Variants in ZDHHC15 observed in about 807,000 individuals in gnomAD.
ZDHHC15 encodes the protein zDHHC palmitoyltransferase 15, also known as palmitoyltransferase ZDHHC15.
A neutral mutation model predicts 31.7 loss-of-function variants in ZDHHC15; 19 were observed. The ratio of observed to expected loss-of-function variants is 0.60; its 90% confidence interval spans 0.42 to 0.88. The LOEUF (loss-of-function observed/expected upper bound fraction) is 0.88. Among genes scored for constraint, ZDHHC15 ranks in the 40% least tolerant of loss-of-function variants. ZDHHC15 has a pLI of 0.00. For missense variants in ZDHHC15, 209 were observed against 251.2 expected, an observed-to-expected ratio of 0.83 and a Z score of 1.14; for synonymous variants, 103 against 90.0, an observed-to-expected ratio of 1.14 and a Z score of -0.82.
At chrX:75,383,338 G>T (rs961440837) in intron 10 of ZDHHC15, among the ~76,000 whole-genome samples, 3 of 112,200 alleles carry the variant, frequency 2.7e-5, no homozygotes, top group African/African-American at 6.5e-5. Flanking sequence ...CAGTTGCAGA[G>T]AATACTGAAA....
chrX:75,437,577 A>G (rs1417356395), intron 4 of ZDHHC15, among the ~76,000 whole-genome samples: 1 of 101,134 alleles, frequency 9.9e-6, no homozygotes, highest in African/African-American at 3.7e-5. Flanking sequence ...GAGAATGATG[A>G]TTTCCAATTT....
rs1365052592 is a variant in ZDHHC15 at position 75,399,762 on chromosome X, G to C, written c.967+17325C>G. Among the ~76,000 whole-genome samples the C allele has an allele frequency of 2.7e-5, 3 of 111,122 alleles. No homozygotes were observed. In the East Asian group the frequency reaches 8.5e-4, roughly 32 times the overall value. On this transcript the variant is annotated intron_variant, in intron 10 of 11. Coordinates refer to ENST00000373367, the MANE Select transcript of ZDHHC15 (RefSeq NM_144969.3). The stretch of plus-strand genomic sequence containing the variant: ...AGAGGAAATATGGCTGCAACTGTGA[G>C]AAAAAATAGGGGAGCTACACAACTG...
chrX:75,380,849 C>G (rs1187933828), intron 10 of ZDHHC15, among the ~76,000 whole-genome samples: 1 of 111,337 alleles, frequency 9.0e-6, no homozygotes, highest in South Asian at 3.8e-4. Context: ...TTATTTTAGT[C>G]TTAGTGTGTG....
At position 75,442,377 on chromosome X, in the gene ZDHHC15, A is replaced by G. The variant is rs191997521; in HGVS notation, c.379+8425T>C. On this transcript the variant is annotated intron_variant, in intron 4 of 11. Coordinates refer to ENST00000373367, the MANE Select transcript of ZDHHC15 (RefSeq NM_144969.3). Reference sequence around the variant, plus strand: ...GAAGTCAAATTGTCCGTGTTTGCAGATGACATGATTGTATATCTAGAAAAC... The same window carrying G: ...GAAGTCAAATTGTCCGTGTTTGCAGGTGACATGATTGTATATCTAGAAAAC... Among the ~76,000 whole-genome samples the G allele has an allele frequency of 9.8e-5, 11 of 111,925 alleles. No homozygotes were observed. In the Admixed American group the frequency reaches 1.0e-3, roughly 11 times the overall value.
At chrX:75,477,950 C>T (rs1382418749) in intron 3 of ZDHHC15, among the ~76,000 whole-genome samples, 1 of 111,028 alleles carries the variant, frequency 9.0e-6, no homozygotes, top group African/African-American at 3.3e-5. Flanking sequence ...TACATTGTTG[C>T]CTTTCTCTGT....
intron 8 of ZDHHC15, among the ~76,000 whole-genome samples, chrX:75,423,575 T>A (rs756138115): frequency 1.2e-4 from 12 of 101,175 alleles, no homozygotes; most frequent in African/African-American, 4.0e-4. Flanking sequence ...ATGTACCACA[T>A]TTTCTTTATC....
At chrX:75,515,306 C>G (rs2085339045) in intron 1 of ZDHHC15, among the ~76,000 whole-genome samples, 1 of 111,028 alleles carries the variant, frequency 9.0e-6, no homozygotes, top group Admixed American at 9.6e-5. Flanking sequence ...GACCAATATC[C>G]CTGATGAACA....
rs145234991 is a variant in ZDHHC15, at chrX:75,479,387, A to C, written c.164-402T>G. On this transcript the variant is annotated intron_variant, in intron 2 of 11. Coordinates refer to ENST00000373367, the MANE Select transcript of ZDHHC15 (RefSeq NM_144969.3). ...TTATTTCATTTTATTTTCTCAATAA[A>C]TTTGTAAGATAGGTAATAAGATAGG... is the stretch of plus-strand genomic sequence containing the variant. Among the ~76,000 whole-genome samples the C allele has an allele frequency of 7.9e-3, 886 of 112,371 alleles. 11 individuals are homozygous for C. Among genetic ancestry groups the C allele is most frequent in the African/African-American group, 0.026 (817 of 31,000 alleles).
chrX:75,424,521 G>T (rs1191435121), intron 8 of ZDHHC15, 131 bp downstream of exon 8: 2 of 654,769 alleles, frequency 3.1e-6, no homozygotes, highest in Non-Finnish European at 4.3e-6. Context: ...ATTTTCATCT[G>T]TCTCAGTCTG....
intron 10 of ZDHHC15, among the ~76,000 whole-genome samples, chrX:75,396,746 C>T (rs1051116513): frequency 9.1e-6 from 1 of 110,357 alleles, no homozygotes; most frequent in Non-Finnish European, 1.9e-5. Flanking sequence ...ACCTAAGTGT[C>T]CATCAGCAGA....
chrX:75,413,169 T>A (rs1292037909), intron 10 of ZDHHC15, among the ~76,000 whole-genome samples: 1 of 112,460 alleles, frequency 8.9e-6, no homozygotes, highest in Non-Finnish European at 1.9e-5. Flanking sequence ...TTGTACATCT[T>A]AAATTTTTAC....
At chrX:75,447,266 G>A (rs924856808) in intron 4 of ZDHHC15, among the ~76,000 whole-genome samples, 8 of 112,106 alleles carry the variant, frequency 7.1e-5, no homozygotes, top group African/African-American at 1.9e-4. Context: ...CAGCGGCAGC[G>A]TTTTGTCCTT....
At chrX:75,438,022 GA>G (rs949902331) in intron 4 of ZDHHC15, among the ~76,000 whole-genome samples, 1 of 111,736 alleles carries the variant, frequency 8.9e-6, no homozygotes, top group African/African-American at 3.3e-5. Flanking sequence ...AAAAACACAT[GA>G]AAAAATGCTC....
At position 75,431,534 on chromosome X, in the gene ZDHHC15, A is replaced by T. The variant is rs1268655911; in HGVS notation, c.380-14T>A. On this transcript the variant is annotated splice_polypyrimidine_tract_variant and intron_variant, in intron 4 of 11. Transcript: ENST00000373367. ...AGAATCGTACAGCTATAAAAAAAAAAATAAGGTGGTTAGCACTTGTTAGGG... is the reference window on the plus strand; with the variant it reads ...AGAATCGTACAGCTATAAAAAAAAATATAAGGTGGTTAGCACTTGTTAGGG... 8.3e-7 allele frequency: 1 copy of T among 1,201,162 alleles called. No individual in the cohort carries two copies. Among genetic ancestry groups the T allele is most frequent in the Non-Finnish European group, 1.1e-6 (1 of 890,508 alleles).
chrX:75,504,353 G>C (rs1011676900), intron 2 of ZDHHC15, among the ~76,000 whole-genome samples: 1 of 111,581 alleles, frequency 9.0e-6, no homozygotes, highest in Non-Finnish European at 1.9e-5. Context: ...ATACTGTATT[G>C]TGTTTTACTT....
intron 1 of ZDHHC15, among the ~76,000 whole-genome samples, chrX:75,521,987 T>C (rs2085448570): frequency 9.0e-6 from 1 of 110,618 alleles, no homozygotes; most frequent in Non-Finnish European, 1.9e-5. Context: ...GTGACTCTAG[T>C]GGGAGAAGGC....
At position 75,523,031 on chromosome X, in the gene ZDHHC15, C is replaced by CTCGAAGA. The variant is rs1305477284; in HGVS notation, c.-8_-7insTCTTCGA. The CTCGAAGA allele has an allele frequency of 8.3e-7, 1 of 1,202,753 alleles. No individual in the cohort carries two copies. The highest frequency in any genetic ancestry group is 1.1e-6 in the Non-Finnish European group (1 of 891,372). ...TCTTCCAGCCTCGCCGCATCTTTGG[C>CTCGAAGA]TCGAAGATCGACCAAGCAGGCCTGC... is the stretch of plus-strand genomic sequence containing the variant. On this transcript the variant is annotated 5_prime_UTR_variant, in exon 1 of 12. Coordinates refer to ENST00000373367, the MANE Select transcript of ZDHHC15 (RefSeq NM_144969.3).
intron 3 of ZDHHC15, among the ~76,000 whole-genome samples, chrX:75,471,314 C>T (rs963663086): frequency 3.4e-4 from 38 of 112,281 alleles, no homozygotes; most frequent in Non-Finnish European, 6.6e-4. Flanking sequence ...GATCGTTTTT[C>T]GCTTCTGCAA....
intron 1 of ZDHHC15, among the ~76,000 whole-genome samples, chrX:75,518,802 TATATACAC>T (rs1350173249): frequency 0.015 from 362 of 23,541 alleles, no homozygotes; most frequent in Admixed American, 0.02. Flanking sequence ...TATATATATA[TATATACAC>T]ACACACACAC....
Sources: allele counts gnomAD v4.1 joint callset (sites outside exome capture counted in the v4.1 genomes callset), GRCh38; gene constraint gnomAD v4.1.1; transcripts MANE v1.5; gene names NCBI Gene and HGNC (gene_info 2026-07-23, HGNC 2026-07-21).